Variants in LRP12 observed in about 807,000 individuals in gnomAD.
LRP12 encodes the protein LDL receptor related protein 12.
A neutral mutation model predicts 66.0 loss-of-function variants in LRP12; 14 were observed. The ratio of observed to expected loss-of-function variants is 0.21; its 90% CI spans 0.14 to 0.33. The LOEUF is 0.33. Among genes scored for constraint, LRP12 ranks in the 10% least tolerant of loss-of-function variants. The pLI is 1.00. For synonymous variants in LRP12, 357 were observed against 359.1 expected, an observed-to-expected ratio of 0.99 and a Z score of 0.07; for missense variants, 889 against 1,053.4, an observed-to-expected ratio of 0.84 and a Z score of 2.16.
chr8:104,546,392 T>C (rs1229238586), intron 1 of LRP12, among the ~76,000 whole-genome samples: 1 of 152,138 alleles, frequency 6.6e-6, no homozygotes, highest in East Asian at 1.9e-4. Flanking sequence ...TGATGTTCCC[T>C]TGTAATCAAT....
At chr8:104,526,299 A>G (rs1463478979) in intron 2 of LRP12, among the ~76,000 whole-genome samples, 1 of 152,120 alleles carries the variant, frequency 6.6e-6, no homozygotes, top group Non-Finnish European at 1.5e-5. Flanking sequence ...TCAAGCTACC[A>G]ATGACTTCCT....
In LRP12 at chr8:104,588,964, A is replaced by ACGACGC. The variant is rs548846399; in HGVS notation, c.-68_-67insGCGTCG. The ACGACGC allele has an allele frequency of 1.6e-4, 144 of 905,914 alleles. 1 individual carries two copies. Among genetic ancestry groups the ACGACGC allele is most frequent in the Admixed American group, 1.4e-3 (40 of 29,164 alleles). 56.1% of individuals were successfully genotyped at this position (905,914 alleles called of 1,614,324 possible). A position where few individuals can be genotyped will look rare whatever the true frequency, so the allele number is the denominator to read the frequency against. ...AGGGAGGAGAAGCTGGAGGTAGACG[A>ACGACGC]CGCCGACGCCGCCGCCGCCGCCGCC... On this transcript the variant is annotated 5_prime_UTR_variant, in exon 1 of 7. Coordinates refer to ENST00000276654, the MANE Select transcript of LRP12 (RefSeq NM_013437.5).
At chr8:104,587,249 G>T (rs557736716) in intron 1 of LRP12, among the ~76,000 whole-genome samples, 1 of 152,234 alleles carries the variant, frequency 6.6e-6, no homozygotes, top group Admixed American at 6.5e-5. Context: ...CTAAATTAAA[G>T]ATACCTCTCA....
rs1191176281 is a variant in LRP12 at position 104,501,682 on chromosome 8, C to T, written c.273-2163G>A. On this transcript the variant is annotated intron_variant, in intron 3 of 6. Transcript: ENST00000276654. The stretch of plus-strand genomic sequence containing the variant: ...TCGCACCACTGCACCCCAGCCTGGG[C>T]GACAGAGCAAGACTCCACCTCAAAA... 2.7e-5 allele frequency among the ~76,000 whole-genome samples: 4 copies of T among 146,276 alleles called. No homozygotes were observed. In the East Asian group the frequency reaches 6.0e-4, roughly 22 times the overall value.
At chr8:104,553,157 C>A (rs1241971104) in intron 1 of LRP12, among the ~76,000 whole-genome samples, 2 of 152,144 alleles carry the variant, frequency 1.3e-5, no homozygotes, top group Non-Finnish European at 2.9e-5. Flanking sequence ...TGGCAAAAAA[C>A]CACAGGGAGA....
intron 3 of LRP12, among the ~76,000 whole-genome samples, chr8:104,500,008 A>G (rs1456723126): frequency 6.6e-6 from 1 of 152,254 alleles, no homozygotes; most frequent in Non-Finnish European, 1.5e-5. Context: ...GCAAGGTAAA[A>G]GACTGAAAAA....
At chr8:104,540,624 T>C (rs1190933811) in intron 1 of LRP12, among the ~76,000 whole-genome samples, 1 of 152,220 alleles carries the variant, frequency 6.6e-6, no homozygotes, top group Non-Finnish European at 1.5e-5. Context: ...GGCCATCCAT[T>C]ATGTATTTAT....
At chr8:104,496,918 C>T in intron 5 of LRP12, 54 bp downstream of exon 5, 1 of 1,435,124 alleles carries the variant, frequency 7.0e-7, no homozygotes, top group Non-Finnish European at 9.2e-7. Context: ...GAACTTGTTT[C>T]AAACACTTGG....
At chr8:104,533,228 C>A (rs575740449) in intron 1 of LRP12, among the ~76,000 whole-genome samples, 14 of 152,072 alleles carry the variant, frequency 9.2e-5, no homozygotes, top group Non-Finnish European at 1.9e-4. Context: ...GGCACAATTT[C>A]TTTTTCTCAT....
chr8:104,584,163 A>G lies in LRP12; in HGVS notation c.79+4656T>C, dbSNP rs71520899. On this transcript the variant is annotated intron_variant, in intron 1 of 6. Transcript: ENST00000276654. ...GAGTGATAAGGAGAAAAGAAGAAAAACAGAAAAGAAAGGTAACCTTAGAAA... is the reference window on the plus strand; with the variant it reads ...GAGTGATAAGGAGAAAAGAAGAAAAGCAGAAAAGAAAGGTAACCTTAGAAA... Among the ~76,000 whole-genome samples the G allele has an allele frequency of 3.6e-3, 553 of 152,132 alleles. 4 individuals carry two copies. Among genetic ancestry groups the G allele is most frequent in the African/African-American group, 0.012 (512 of 41,568 alleles).
chr8:104,552,281 A>T (rs1326540658), intron 1 of LRP12, among the ~76,000 whole-genome samples: 2 of 152,168 alleles, frequency 1.3e-5, no homozygotes, highest in African/African-American at 2.4e-5. Context: ...GGCATTTTTT[A>T]AATTTACCAT....
In LRP12 at chr8:104,589,209, A is replaced by C. The variant is rs1218292169; in HGVS notation, c.-312T>G. ...GAGACGAGAGGGTGGCGGACGCCGGACTCCGGCCTCGCGCCGCTCGGGCTA... is the reference window on the plus strand; with the variant it reads ...GAGACGAGAGGGTGGCGGACGCCGGCCTCCGGCCTCGCGCCGCTCGGGCTA... On this transcript the variant is annotated 5_prime_UTR_variant, in exon 1 of 7. Coordinates refer to ENST00000276654, the MANE Select transcript of LRP12 (RefSeq NM_013437.5). Among the ~76,000 whole-genome samples the C allele has an allele frequency of 6.7e-6, 1 of 149,900 alleles. No homozygotes were observed. The highest frequency in any genetic ancestry group is 1.5e-5 in the Non-Finnish European group (1 of 67,426).
Position 104,508,932 on chromosome 8 carries a change from G to A in LRP12, c.272+7C>T. On this transcript the variant is annotated splice_region_variant and intron_variant, in intron 3 of 6. Transcript: ENST00000276654. ...AATTATATAGTAATACAGAAAGGTA[G>A]AATTACCTTATAGTAATGATTTCGC... 4 of 1,605,952 alleles carry A rather than the reference G, an allele frequency of 2.5e-6. No individual in the cohort carries two copies. Among genetic ancestry groups the A allele is most frequent in the Non-Finnish European group, 3.4e-6 (4 of 1,174,796 alleles).
intron 1 of LRP12, among the ~76,000 whole-genome samples, chr8:104,546,605 A>G (rs1490885684): frequency 6.6e-6 from 1 of 152,102 alleles, no homozygotes; most frequent in African/African-American, 2.4e-5. Context: ...ACAGCTAGTA[A>G]GTGGCAGAGA....
intron 1 of LRP12, among the ~76,000 whole-genome samples, chr8:104,545,259 A>G (rs1415604706): frequency 6.6e-6 from 1 of 152,246 alleles, no homozygotes; most frequent in Non-Finnish European, 1.5e-5. Flanking sequence ...ATCAGCAAAG[A>G]AAGTGGTTTC....
chr8:104,527,402 A>G (rs1588492717), intron 2 of LRP12, among the ~76,000 whole-genome samples: 1 of 151,222 alleles, frequency 6.6e-6, no homozygotes, highest in African/African-American at 2.5e-5. Context: ...CTGCGGCACT[A>G]TTCACAATAG....
chr8:104,504,181 TTC>T (rs1187208646), intron 3 of LRP12: 2 of 143,272 alleles, frequency 1.4e-5, no homozygotes, highest in African/African-American at 3.0e-5. Context: ...GCTTATAATA[TTC>T]TCTTATGACA....
chr8:104,496,642 T>C (rs1403035854), intron 5 of LRP12, among the ~76,000 whole-genome samples: 1 of 152,208 alleles, frequency 6.6e-6, no homozygotes, highest in Non-Finnish European at 1.5e-5. Flanking sequence ...ATAGAATAAC[T>C]GGAATTTTTG....
At chr8:104,507,728 G>T (rs1365510610) in intron 3 of LRP12, 1 of 152,168 alleles carries the variant, frequency 6.6e-6, no homozygotes, top group Non-Finnish European at 1.5e-5. Context: ...GAAAAACACT[G>T]CATGGAGGAG....
Sources: allele counts gnomAD v4.1 joint callset (sites outside exome capture counted in the v4.1 genomes callset), GRCh38; gene constraint gnomAD v4.1.1; transcripts MANE v1.5; gene names NCBI Gene and HGNC (gene_info 2026-07-23, HGNC 2026-07-21).